Variants in POLL observed in about 807,000 individuals in gnomAD.
The protein encoded by POLL is DNA polymerase beta-2.
POLL carries 44 observed loss-of-function variants against 58.1 expected under a neutral mutation model. The observed-to-expected ratio is 0.76, with a 90% CI of 0.60 to 0.97. The LOEUF is 0.97. POLL is among the 50% of genes least tolerant of loss of function. POLL has a pLI of 0.00. For synonymous variants in POLL, 290 were observed against 283.2 expected, an observed-to-expected ratio of 1.02 and a Z score of -0.24; for missense variants, 632 against 736.8, an observed-to-expected ratio of 0.86 and a Z score of 1.65.
In POLL at chr10:101,584,648, G is replaced by A; in HGVS notation, c.845C>T (p.Ala282Val). 1.2e-6 allele frequency: 2 copies of A among 1,607,248 alleles called. No individual in the cohort carries two copies. The highest frequency in any genetic ancestry group is 1.3e-5 in the African/African-American group (1 of 74,748). ...DKWRALGYAK[A>V]INALKSFHKP... ...ATGGAAGCTCTTGAGGGCATTGATG[G>A]CCTTGGCATAGCCCAGGGCCCTCCA... The change falls in exon 5 of 9, where the codon GCC (alanine) becomes GTC (valine). Residue 282 changes from alanine to valine, a missense_variant. By Grantham distance (64) the Ala-to-Val change is moderately conservative (BLOSUM62 0). Coordinates refer to ENST00000370162, the MANE Select transcript of POLL (RefSeq NM_001174084.2).
In POLL at chr10:101,579,571, A is replaced by T. The variant is rs778318296; in HGVS notation, c.1610T>A (p.Val537Asp). The T allele has an allele frequency of 2.5e-6, 4 of 1,613,784 alleles. No homozygotes were observed. The Admixed American group carries it at 6.7e-5, about 27-fold the overall frequency. The part of the protein sequence containing the change: ...LSEHALSTAV[V>D]RNTHGCKVGP... The stretch of plus-strand genomic sequence containing the variant: ...CACCTTGCAGCCATGGGTGTTCCGG[A>T]CCACAGCAGTGCTGAGGGCATGTTC... The change falls in exon 9 of 9, where the codon GTC (valine) becomes GAC (aspartate). Residue 537 changes from valine to aspartate, a missense_variant. Transcript: ENST00000370162. The surrounding 1 kb of genome is among the most constrained non-coding windows in gnomAD (Gnocchi z 4.4).
intron 6 of POLL, 195 bp downstream of exon 6, chr10:101,583,313 A>G: frequency 1.6e-6 from 1 of 611,102 alleles, no homozygotes; most frequent in Non-Finnish European, 2.9e-6. Flanking sequence ...TCTTAAGGAT[A>G]CCAAGCAACA....
At position 101,586,185 on chromosome 10, in the gene POLL, G is replaced by C. The variant is rs759853859; in HGVS notation, c.116-29C>G. 1.2e-5 allele frequency: 10 copies of C among 851,860 alleles called. No individual in the cohort carries two copies. The African/African-American group carries it at 1.6e-4, about 14-fold the overall frequency. The allele number at this position is 851,860 out of a possible 1,614,324, so 52.8% of individuals were successfully genotyped here. The stretch of plus-strand genomic sequence containing the variant: ...TGGAAGGAACATCCAGATGACTACT[G>C]TTGTAACTTTTTAATTTTTATCTGC... On this transcript the variant is annotated intron_variant, in intron 2 of 8. Coordinates refer to ENST00000370162, the MANE Select transcript of POLL (RefSeq NM_001174084.2).
chr10:101,579,184 A>C lies in POLL; in HGVS notation c.*269T>G. 27 of 451,304 alleles carry C rather than the reference A, an allele frequency of 6.0e-5. No homozygotes were observed. Among genetic ancestry groups the C allele is most frequent in the East Asian group, 7.9e-5 (2 of 25,444 alleles). 28.0% of individuals were successfully genotyped at this position (451,304 alleles called of 1,614,324 possible). On this transcript the variant is annotated 3_prime_UTR_variant, in exon 9 of 9. Transcript: ENST00000370162. This position sits in a 1 kb window ranked among gnomAD's most constrained non-coding sequence, Gnocchi z 4.4. ...CCTGCTTAAAATGGGGCAAGGGGCC[A>C]TTTGCAAAATTCTTCGAGGGGCAGT...
At chr10:101,585,515 G>T in intron 3 of POLL, 37 bp from the exon 4 acceptor site, 2 of 1,471,084 alleles carry the variant, frequency 1.4e-6, no homozygotes, top group Non-Finnish European at 1.8e-6. Context: ...GACACCAAAG[G>T]TCTCACCCTG....
chr10:101,579,989 TC>T lies in POLL; in HGVS notation c.1364-173del. ...TAAAACATGGATAGTAATTCCCATCTCCCCCATAGTGTCACAGAAAGATCAG... is the reference window on the plus strand; with the variant it reads ...TAAAACATGGATAGTAATTCCCATCTCCCCATAGTGTCACAGAAAGATCAG... On this transcript the variant is annotated intron_variant, in intron 8 of 8. Transcript: ENST00000370162. The surrounding 1 kb of genome is among the most constrained non-coding windows in gnomAD (Gnocchi z 4.4). 1 of 757,292 alleles carries T rather than the reference TC, an allele frequency of 1.3e-6. No homozygotes were observed. Among genetic ancestry groups the T allele is most frequent in the Non-Finnish European group, 2.1e-6 (1 of 478,494 alleles). The allele number at this position is 757,292 out of a possible 1,614,324, so 46.9% of individuals were successfully genotyped here.
At chr10:101,585,011 A>G in intron 4 of POLL, 92 bp from the exon 5 acceptor site, 1 of 766,340 alleles carries the variant, frequency 1.3e-6, no homozygotes, top group Non-Finnish European at 1.9e-6. Flanking sequence ...GTGCGGGGGG[A>G]GGGTCTTCTA....
At position 101,585,861 on chromosome 10, in the gene POLL, C is replaced by G; in HGVS notation, c.410+1G>C. 1.9e-6 allele frequency: 3 copies of G among 1,563,204 alleles called. No individual in the cohort carries two copies. The South Asian group carries it at 3.5e-5, about 18-fold the overall frequency. ...TGAAAAAAAGACTGGGATCAGCCCA[C>G]CTACTGGGGATGAAGATGCTGAATC... On this transcript the variant is annotated splice_donor_variant, in intron 3 of 8. Coordinates refer to ENST00000370162, the MANE Select transcript of POLL (RefSeq NM_001174084.2). LOFTEE classifies it high-confidence loss of function.
Position 101,583,613 on chromosome 10 carries a change from C to A in POLL, c.960G>T (p.Gly320=), listed in dbSNP as rs367651179. The part of the protein sequence containing the change: ...AEKIIEILES[G]HLRKLDHISE... The stretch of plus-strand genomic sequence containing the variant: ...TGATATGGTCCAGCTTCCGCAAATG[C>A]CCGCTCTCCAGGATCTCTATGATTT... The change falls in exon 6 of 9, where the codon GGG becomes GGT. Residue 320 remains glycine, a synonymous_variant. Transcript: ENST00000370162. 3 of 1,614,156 alleles carry A rather than the reference C, an allele frequency of 1.9e-6. No homozygotes were observed. The highest frequency in any genetic ancestry group is 3.3e-5 in the Admixed American group (2 of 60,022).
chr10:101,579,558 A>G lies in POLL; in HGVS notation c.1623T>C (p.His541=). 6.2e-7 allele frequency: 1 copy of G among 1,613,914 alleles called. No homozygotes were observed. Among genetic ancestry groups the G allele is most frequent in the Non-Finnish European group, 8.5e-7 (1 of 1,179,994 alleles). The change falls in exon 9 of 9, where the codon CAT becomes CAC. Residue 541 remains histidine (H), a synonymous_variant. Coordinates refer to ENST00000370162, the MANE Select transcript of POLL (RefSeq NM_001174084.2). This position sits in a 1 kb window ranked among gnomAD's most constrained non-coding sequence, Gnocchi z 4.4. ...CTCGGCCAGGCCCCACCTTGCAGCC[A>G]TGGGTGTTCCGGACCACAGCAGTGC... ...ALSTAVVRNT[H]GCKVGPGRVL...
chr10:101,580,626 G>T lies in POLL; in HGVS notation c.1195-210C>A. The stretch of plus-strand genomic sequence containing the variant: ...GAAGAAAAAGCTCACTGTGCAGGAG[G>T]CAAGCCTGAGGAGAGACGGGAGAAG... On this transcript the variant is annotated intron_variant, in intron 7 of 8. Transcript: ENST00000370162. The surrounding 1 kb of genome is among the most constrained non-coding windows in gnomAD (Gnocchi z 4.1). The T allele has an allele frequency of 1.8e-6, 1 of 542,352 alleles. No homozygotes were observed. The highest frequency in any genetic ancestry group is 3.3e-6 in the Non-Finnish European group (1 of 305,034). The allele number at this position is 542,352 out of a possible 1,614,324, so 33.6% of individuals were successfully genotyped here.
intron 2 of POLL, among the ~76,000 whole-genome samples, chr10:101,586,479 G>A (rs2063342264): frequency 6.6e-6 from 1 of 152,008 alleles, no homozygotes; most frequent in Admixed American, 6.5e-5. Context: ...TTTTTTGTTT[G>A]TTTGTTTTGT....
intron 3 of POLL, 119 bp downstream of exon 3, chr10:101,585,743 G>T: frequency 1.0e-6 from 1 of 962,356 alleles, no homozygotes; most frequent in Non-Finnish European, 1.5e-6. Flanking sequence ...TGGGACTACA[G>T]GCACACCCCA....
Position 101,588,138 on chromosome 10 carries a change from TC to T in POLL, c.-364del. 1 of 1,516,526 alleles carries T rather than the reference TC, an allele frequency of 6.6e-7. No homozygotes were observed. Among genetic ancestry groups the T allele is most frequent in the Non-Finnish European group, 8.8e-7 (1 of 1,134,234 alleles). 93.9% of individuals were successfully genotyped at this position (1,516,526 alleles called of 1,614,324 possible). ...GAGTCTCTCCAACCCCCAGAGTCGGTCCCCGGGTGGGGTCGACTACTGGCCA... is the reference window on the plus strand; with the variant it reads ...GAGTCTCTCCAACCCCCAGAGTCGGTCCCGGGTGGGGTCGACTACTGGCCA... On this transcript the variant is annotated 5_prime_UTR_variant, in exon 1 of 9. Coordinates refer to ENST00000370162, the MANE Select transcript of POLL (RefSeq NM_001174084.2).
chr10:101,587,631 G>A (rs1345768704), intron 1 of POLL, 191 bp downstream of exon 1: 1 of 993,064 alleles, frequency 1.0e-6, no homozygotes, highest in African/African-American at 1.7e-5. Flanking sequence ...GGTGCCATCG[G>A]GGGTACTTTT....
rs1372805737 is a variant in POLL, at chr10:101,584,875, A to G, written c.618T>C (p.Val206=). Residue 206 remains valine, a synonymous_variant, in exon 5 of 9, where the codon GTT becomes GTC. Coordinates refer to ENST00000370162, the MANE Select transcript of POLL (RefSeq NM_001174084.2). ...DEASDGEETQ[V]SAADLEALIS... is the part of the protein sequence containing the mutation. ...TGAGGGCTTCCAGATCAGCTGCACT[A>G]ACCTGGGTTTCTTCCCCATCACTGG... The G allele has an allele frequency of 1.4e-6, 2 of 1,446,104 alleles. No homozygotes were observed. The allele number at this position is 1,446,104 out of a possible 1,614,324, so 89.6% of individuals were successfully genotyped here.
rs972385425 is a variant in POLL at position 101,579,249 on chromosome 10, G to C, written c.*204C>G. On this transcript the variant is annotated 3_prime_UTR_variant, in exon 9 of 9. Coordinates refer to ENST00000370162, the MANE Select transcript of POLL (RefSeq NM_001174084.2). This position sits in a 1 kb window ranked among gnomAD's most constrained non-coding sequence, Gnocchi z 4.4. ...GGTGGCAGCCTGCTCCTGTCTGGGA[G>C]AGGGCTGGGCAGACACTGGGAGCCG... The C allele has an allele frequency of 6.1e-5, 37 of 608,704 alleles. No individual in the cohort carries two copies. The highest frequency in any genetic ancestry group is 6.0e-5 in the Non-Finnish European group (21 of 352,382). 37.7% of individuals were successfully genotyped at this position (608,704 alleles called of 1,614,324 possible).
At position 101,583,520 on chromosome 10, in the gene POLL, C is replaced by A. The variant is rs542569736; in HGVS notation, c.1053G>T (p.Met351Ile). ...IWGAGTKTAQ[M>I]WYQQGFRSLE... is the part of the protein sequence containing the mutation. ...GCCAGGGTGTGACCTGTTGGTACCACATCTGGGCAGTCTTGGTCCCAGCTC... is the reference window on the plus strand; with the variant it reads ...GCCAGGGTGTGACCTGTTGGTACCAAATCTGGGCAGTCTTGGTCCCAGCTC... The change falls in exon 6 of 9, where the codon ATG becomes ATT. Residue 351 changes from methionine (M) to isoleucine (I), a missense_variant. By Grantham distance (10) the Met-to-Ile change is conservative. Coordinates refer to ENST00000370162, the MANE Select transcript of POLL (RefSeq NM_001174084.2). The A allele has an allele frequency of 6.2e-7, 1 of 1,613,002 alleles. No homozygotes were observed. The highest frequency in any genetic ancestry group is 2.2e-5 in the East Asian group (1 of 44,868).
Position 101,585,425 on chromosome 10 carries a change from G to A in POLL, c.464C>T (p.Pro155Leu). 2 of 1,605,696 alleles carry A rather than the reference G, an allele frequency of 1.2e-6. No individual in the cohort carries two copies. The highest frequency in any genetic ancestry group is 1.7e-6 in the Non-Finnish European group (2 of 1,175,996). Reference protein sequence around the residue: ...SKAEQDASIPPGTHEALLQTA... With the variant: ...SKAEQDASIPLGTHEALLQTA... ...CTGAAGCAGGGCCTCATGGGTGCCAGGAGGAATAGAAGCATCCTGCTCTGC... is the reference window on the plus strand; with the variant it reads ...CTGAAGCAGGGCCTCATGGGTGCCAAGAGGAATAGAAGCATCCTGCTCTGC... The change falls in exon 4 of 9, where the codon CCT becomes CTT. Residue 155 changes from proline (P) to leucine (L), a missense_variant. Physicochemically the swap from Pro to Leu is moderately conservative, Grantham distance 98. Transcript: ENST00000370162.
Sources: gnomAD v4.1 joint callset for allele counts (sites outside exome capture counted in the v4.1 genomes callset) on GRCh38, gnomAD v4.1.1 for gene constraint, Gnocchi (gnomAD v3.1) non-coding constraint, MANE v1.5 for transcripts, NCBI Gene and HGNC (gene_info 2026-07-23, HGNC 2026-07-21) for gene names.